COL3A1: variants seen among roughly 807,000 people sequenced by gnomAD.
COL3A1 encodes the protein collagen alpha-1(III) chain.
In COL3A1, 46 loss-of-function variants were observed where a neutral mutation model predicts 200.9. The ratio of observed to expected loss-of-function variants is 0.23; its 90% CI spans 0.18 to 0.29. The LOEUF (loss-of-function observed/expected upper bound fraction) is 0.29. Among genes scored for constraint, COL3A1 ranks in the 10% least tolerant of loss-of-function variants. COL3A1 has a pLI of 1.00. For synonymous variants in COL3A1, 650 were observed against 628.0 expected, an observed-to-expected ratio of 1.03 and a Z score of -0.52; for missense variants, 1,367 against 1,917.6, an observed-to-expected ratio of 0.71 and a Z score of 5.36.
At position 189,001,518 on chromosome 2, in the gene COL3A1, T is replaced by C. The variant is rs1240879668; in HGVS notation, c.2338-18T>C. ...CTCTTTTGGATGCAAGACAGTGACA[T>C]GGCTTCTCTTTTTCCAGGGTGAAGG... is the stretch of plus-strand genomic sequence containing the variant. On this transcript the variant is annotated intron_variant, in intron 33 of 50. Coordinates refer to ENST00000304636, the MANE Select transcript of COL3A1 (RefSeq NM_000090.4). 6 of 1,614,100 alleles carry C rather than the reference T, an allele frequency of 3.7e-6. No individual in the cohort carries two copies. The highest frequency in any genetic ancestry group is 5.1e-6 in the Non-Finnish European group (6 of 1,179,998).
intron 32 of COL3A1, among the ~76,000 whole-genome samples, chr2:189,000,931 G>T (rs12105340): frequency 0.12 from 18,072 of 152,024 alleles, 2,612 homozygotes; most frequent in African/African-American, 0.35. Context: ...TAGATAAGCC[G>T]TCATTCAGGT....
chr2:188,991,086 T>A, intron 11 of COL3A1, 29 bp downstream of exon 11: 2 of 1,601,018 alleles, frequency 1.2e-6, no homozygotes, highest in African/African-American at 2.7e-5. Context: ...CATATTTTCA[T>A]AAGTAAATTC....
At chr2:189,007,706 A>T (rs995633342) in intron 45 of COL3A1, 99 bp downstream of exon 45, 1 of 1,250,868 alleles carries the variant, frequency 8.0e-7, no homozygotes, top group Non-Finnish European at 1.1e-6. Flanking sequence ...GTACTAGAAG[A>T]GATGAGAAAT....
At chr2:189,002,173 T>C in intron 34 of COL3A1, 125 bp from the exon 35 acceptor site, 1 of 793,238 alleles carries the variant, frequency 1.3e-6, no homozygotes, top group Non-Finnish European at 2.2e-6. Flanking sequence ...CTTCAGAAGT[T>C]TATTGGCTAC....
intron 1 of COL3A1, among the ~76,000 whole-genome samples, chr2:188,982,424 C>T (rs1038986554): frequency 3.3e-5 from 5 of 151,590 alleles, no homozygotes; most frequent in Non-Finnish European, 7.4e-5. Context: ...GAGACATAAA[C>T]ATAGGAGGAT....
chr2:188,988,133 C>T lies in COL3A1; in HGVS notation c.581C>T (p.Pro194Leu). 6.2e-7 allele frequency: 1 copy of T among 1,611,830 alleles called. No homozygotes were observed. The highest frequency in any genetic ancestry group is 8.5e-7 in the Non-Finnish European group (1 of 1,178,142). ...PPGTSGHPGS[P>L]GSPGYQGPPG... ...GGTACATCTGGTCATCCTGGTTCCC[C>T]TGTAAGTATAGCCATTGGTGGTGTT... Residue 194 changes from proline (P) to leucine (L), a missense_variant and splice_region_variant, in exon 6 of 51, where the codon CCT becomes CTT. Pro to Leu is a moderately conservative substitution (Grantham distance 98). This residue lies in a region of COL3A1 where 462 missense variants were observed against 681.4 expected (regional missense o/e 0.68). Coordinates refer to ENST00000304636, the MANE Select transcript of COL3A1 (RefSeq NM_000090.4).
chr2:188,985,161 G>C, intron 2 of COL3A1, 36 bp from the exon 3 acceptor site: 2 of 1,597,922 alleles, frequency 1.3e-6, no homozygotes, highest in Non-Finnish European at 1.7e-6. Context: ...TGCAAATTCT[G>C]TGTCTTGTTT....
At chr2:189,009,353 G>T in intron 48 of COL3A1, 132 bp downstream of exon 48, 1 of 1,063,964 alleles carries the variant, frequency 9.4e-7, no homozygotes, top group Non-Finnish European at 1.4e-6. Context: ...TAACTGAATT[G>T]AAACTGCTTG....
At chr2:188,987,320 A>T (rs947416302) in intron 5 of COL3A1, among the ~76,000 whole-genome samples, 181 bp downstream of exon 5, 2 of 151,782 alleles carry the variant, frequency 1.3e-5, no homozygotes, top group Admixed American at 1.3e-4. Flanking sequence ...TATTCATATT[A>T]TTAAACCTAT....
chr2:188,988,221 C>A, intron 6 of COL3A1, 87 bp downstream of exon 6: 2 of 1,147,350 alleles, frequency 1.7e-6, no homozygotes, highest in Non-Finnish European at 2.6e-6. Context: ...GCCATTCCAG[C>A]ATGCATAATC....
intron 21 of COL3A1, 29 bp from the exon 22 acceptor site, chr2:188,995,663 A>AT (rs1688289724): frequency 1.2e-5 from 18 of 1,503,154 alleles, no homozygotes; most frequent in Non-Finnish European, 1.4e-5. Flanking sequence ...GGCTATTTTA[A>AT]TTTTTTTAAA....
At chr2:188,997,667 T>A (rs1235792388) in intron 26 of COL3A1, 33 bp from the exon 27 acceptor site, 1 of 1,598,426 alleles carries the variant, frequency 6.3e-7, no homozygotes, top group East Asian at 2.2e-5. Flanking sequence ...TAAAAGGATG[T>A]TTACAACAGA....
At chr2:188,998,167 C>CT (rs906224446) in intron 27 of COL3A1, 99 bp from the exon 28 acceptor site, 43 of 1,164,682 alleles carry the variant, frequency 3.7e-5, no homozygotes, top group Middle Eastern at 1.9e-4. Context: ...ACCACTGGAA[C>CT]TTTTTTTTAA....
chr2:188,990,615 T>A lies in COL3A1; in HGVS notation c.798+255T>A, dbSNP rs1046186116. On this transcript the variant is annotated intron_variant, in intron 10 of 50. Coordinates refer to ENST00000304636, the MANE Select transcript of COL3A1 (RefSeq NM_000090.4). Reference sequence around the variant, plus strand: ...TACCACTATCAGAAAAATAAAAACATTTTGTGAATTATGTTTTTTATTGAC... The same window carrying A: ...TACCACTATCAGAAAAATAAAAACAATTTGTGAATTATGTTTTTTATTGAC... Among the ~76,000 whole-genome samples the A allele has an allele frequency of 2.0e-5, 3 of 152,126 alleles. No homozygotes were observed. In the South Asian group the frequency reaches 6.2e-4, roughly 31 times the overall value.
intron 28 of COL3A1, among the ~76,000 whole-genome samples, 161 bp from the exon 29 acceptor site, chr2:188,998,511 TAG>T (rs1227573694): frequency 4.6e-5 from 7 of 152,220 alleles, no homozygotes; most frequent in Non-Finnish European, 8.8e-5. Context: ...TACCATAAAA[TAG>T]AGAGTTCATA....
At chr2:189,000,576 A>G (rs1057308944) in intron 32 of COL3A1, among the ~76,000 whole-genome samples, 1 of 152,166 alleles carries the variant, frequency 6.6e-6, no homozygotes, top group Non-Finnish European at 1.5e-5. Context: ...ACATCTACAC[A>G]TGGGATAAAA....
At chr2:189,003,104 A>C (rs527665410) in intron 36 of COL3A1, 42 bp downstream of exon 36, 2 of 1,411,524 alleles carry the variant, frequency 1.4e-6, no homozygotes. Context: ...TCTATCATCT[A>C]TCTATCTATT....
At position 189,007,888 on chromosome 2, in the gene COL3A1, C is replaced by G. The variant is rs1232623703; in HGVS notation, c.3367C>G (p.Pro1123Ala). The G allele has an allele frequency of 1.9e-6, 3 of 1,613,830 alleles. No homozygotes were observed. The East Asian group carries it at 6.7e-5, about 36-fold the overall frequency. The change falls in exon 46 of 51, where the codon CCT becomes GCT. Residue 1123 changes from proline to alanine, a missense_variant. By Grantham distance (27) the Pro-to-Ala change is conservative. Around this residue, in one of 5 missense-constraint regions of COL3A1, gnomAD observed 846 missense variants for 1,147.9 expected, o/e 0.74. Coordinates refer to ENST00000304636, the MANE Select transcript of COL3A1 (RefSeq NM_000090.4). ...GNPGAPGSPG[P>A]AGQQGAIGSP... The stretch of plus-strand genomic sequence containing the variant: ...TGTACACTTCCTTTCTTTCCAGGGC[C>G]CTGCTGGTCAGCAGGGTGCAATCGG...
At position 189,007,444 on chromosome 2, in the gene COL3A1, T is replaced by C. The variant is rs1688618600; in HGVS notation, c.3256-56T>C. ...GATTTAATTATTATAAATTCTATTT[T>C]ATTTTTCCAATATGTATGTGTGTAT... On this transcript the variant is annotated intron_variant, in intron 44 of 50. Coordinates refer to ENST00000304636, the MANE Select transcript of COL3A1 (RefSeq NM_000090.4). 5 of 1,313,624 alleles carry C rather than the reference T, an allele frequency of 3.8e-6. No homozygotes were observed. The South Asian group carries it at 6.9e-5, about 18-fold the overall frequency. The allele number at this position is 1,313,624 out of a possible 1,614,324, so 81.4% of individuals were successfully genotyped here. A position where few individuals can be genotyped will look rare whatever the true frequency, so the allele number is the denominator to read the frequency against.
Sources: allele counts gnomAD v4.1 joint callset (sites outside exome capture counted in the v4.1 genomes callset), GRCh38; gene constraint gnomAD v4.1.1; regional missense constraint gnomAD v4.1.1; transcripts MANE v1.5; gene names NCBI Gene and HGNC (gene_info 2026-07-23, HGNC 2026-07-21).